CPPED1: variants seen among roughly 807,000 people sequenced by gnomAD.
CPPED1 encodes calcineurin like phosphoesterase domain containing 1, also known as serine/threonine-protein phosphatase CPPED1.
In CPPED1, 28 loss-of-function variants were observed where a neutral mutation model predicts 28.0. The ratio of observed to expected loss-of-function variants is 1.00; its 90% CI spans 0.74 to 1.37. The LOEUF is 1.37. Among genes scored for constraint, CPPED1 ranks in the 40% most tolerant of loss-of-function variants. The probability of loss-of-function intolerance (pLI) is 0.00; values close to 1 mark genes in which losing one functional copy is unlikely to be tolerated. For missense variants in CPPED1, 504 were observed against 416.5 expected (o/e 1.21, Z -1.83); for synonymous variants, 198 against 180.2 (o/e 1.10, Z -0.79).
At chr16:12,698,711 G>A (rs1297298060) in intron 3 of CPPED1, among the ~76,000 whole-genome samples, 1 of 152,188 alleles carries the variant, frequency 6.6e-6, no homozygotes, top group Non-Finnish European at 1.5e-5. Context: ...GATTACAGGT[G>A]TGAGCCACTG....
At position 12,739,177 on chromosome 16, in the gene CPPED1, G is replaced by A. The variant is rs546555957; in HGVS notation, c.290-34128C>T. ...AATGGTCATGAGAATAAGAAAGTGT[G>A]CATGTAGAATAAGTAGTAGAGAGAC... On this transcript the variant is annotated intron_variant, in intron 2 of 3. Transcript: ENST00000381774. Among the ~76,000 whole-genome samples, 30 of 152,310 alleles carry A rather than the reference G, an allele frequency of 2.0e-4. 1 individual carries two copies. Among genetic ancestry groups the A allele is most frequent in the Admixed American group, 1.5e-3 (23 of 15,288 alleles).
At chr16:12,775,776 G>A (rs1473342823) in intron 2 of CPPED1, among the ~76,000 whole-genome samples, 1 of 152,192 alleles carries the variant, frequency 6.6e-6, no homozygotes, top group East Asian at 1.9e-4. Flanking sequence ...CAGTTTACAA[G>A]CTGAGTGGCC....
chr16:12,667,663 A>G (rs1489899413), intron 3 of CPPED1, among the ~76,000 whole-genome samples: 2 of 152,322 alleles, frequency 1.3e-5, no homozygotes, highest in East Asian at 3.9e-4. Context: ...GAGAGGTAAA[A>G]CTGAGGAAAT....
intron 1 of CPPED1, among the ~76,000 whole-genome samples, chr16:12,782,360 T>C (rs975591500): frequency 1.4e-4 from 22 of 152,136 alleles, no homozygotes; most frequent in Admixed American, 1.3e-3. Flanking sequence ...TCTTACAGAA[T>C]AGCATCTGGA....
chr16:12,696,438 C>CTTTTTTT (rs1180336228), intron 3 of CPPED1, among the ~76,000 whole-genome samples: 1 of 120,736 alleles, frequency 8.3e-6, no homozygotes, highest in Non-Finnish European at 1.7e-5. Flanking sequence ...AAGTGACTTT[C>CTTTTTTT]TTTTTTTTTT....
chr16:12,737,616 T>C (rs1211398507), intron 2 of CPPED1, among the ~76,000 whole-genome samples: 1 of 152,228 alleles, frequency 6.6e-6, no homozygotes, highest in Non-Finnish European at 1.5e-5. Context: ...CACAATATTT[T>C]GGAAGACTGA....
chr16:12,705,796 C>T (rs931831010), intron 2 of CPPED1, among the ~76,000 whole-genome samples: 12 of 152,218 alleles, frequency 7.9e-5, no homozygotes, highest in African/African-American at 1.2e-4. Flanking sequence ...CGTAAGCCAC[C>T]GCGCCGGGCA....
At chr16:12,723,814 C>A (rs188026525) in intron 2 of CPPED1, among the ~76,000 whole-genome samples, 1 of 152,080 alleles carries the variant, frequency 6.6e-6, no homozygotes, top group South Asian at 2.1e-4. Flanking sequence ...TGGGATAGGA[C>A]GTGGGTTTGT....
At chr16:12,669,555 C>T (rs1323719574) in intron 3 of CPPED1, among the ~76,000 whole-genome samples, 6 of 152,088 alleles carry the variant, frequency 3.9e-5, no homozygotes, top group South Asian at 2.1e-4. Flanking sequence ...ATCACAACAA[C>T]GGATTAGAGT....
intron 3 of CPPED1, among the ~76,000 whole-genome samples, chr16:12,687,322 T>A (rs1027003713): frequency 3.7e-4 from 57 of 152,154 alleles, no homozygotes; most frequent in African/African-American, 1.4e-3. Context: ...TTTACATTTT[T>A]TAAAAAAAGA....
chr16:12,739,250 G>T (rs2080242045), intron 2 of CPPED1, among the ~76,000 whole-genome samples: 2 of 152,298 alleles, frequency 1.3e-5, no homozygotes, highest in South Asian at 4.1e-4. Context: ...TGGACAAACA[G>T]TCCAAGCAAG....
At chr16:12,754,652 G>T (rs142607048) in intron 2 of CPPED1, among the ~76,000 whole-genome samples, 132 of 151,498 alleles carry the variant, frequency 8.7e-4, no homozygotes, top group African/African-American at 3.1e-3. Flanking sequence ...GGCCAAAAGG[G>T]AGAATACCAG....
intron 2 of CPPED1, among the ~76,000 whole-genome samples, chr16:12,766,242 A>AATATATATACATAT (rs2080437142): frequency 7.9e-6 from 1 of 126,652 alleles, no homozygotes; most frequent in Non-Finnish European, 1.6e-5. Flanking sequence ...AAAAAATACA[A>AATATATATACATAT]ATATATATAT....
chr16:12,666,466 G>A (rs1387371596), intron 3 of CPPED1, among the ~76,000 whole-genome samples: 3 of 152,222 alleles, frequency 2.0e-5, no homozygotes, highest in East Asian at 1.9e-4. Context: ...GCTGAAGAAC[G>A]CTGCTGCTGC....
intron 2 of CPPED1, among the ~76,000 whole-genome samples, chr16:12,717,976 G>A (rs184552818): frequency 2.0e-5 from 3 of 152,144 alleles, no homozygotes; most frequent in African/African-American, 7.2e-5. Flanking sequence ...TTTACCCTTC[G>A]TAAACTCAAG....
chr16:12,717,987 T>C (rs2080116414), intron 2 of CPPED1, among the ~76,000 whole-genome samples: 1 of 152,118 alleles, frequency 6.6e-6, no homozygotes, highest in African/African-American at 2.4e-5. Flanking sequence ...TAAACTCAAG[T>C]CCCATCTGGG....
chr16:12,757,276 C>A (rs2080376656), intron 2 of CPPED1, among the ~76,000 whole-genome samples: 1 of 152,146 alleles, frequency 6.6e-6, no homozygotes, highest in African/African-American at 2.4e-5. Context: ...CTGGGCAAAC[C>A]AGGCTGGTTG....
In CPPED1 at chr16:12,663,648, C is replaced by G. The variant is rs937020156; in HGVS notation, c.*1238G>C. Reference sequence around the variant, plus strand: ...ATGGTTTTGCTACGTTGACTAAACTCTGTAATGAGAAAGTCTTTTAATTTA... The same window carrying G: ...ATGGTTTTGCTACGTTGACTAAACTGTGTAATGAGAAAGTCTTTTAATTTA... On this transcript the variant is annotated 3_prime_UTR_variant, in exon 4 of 4. Transcript: ENST00000381774. 1.3e-5 allele frequency: 2 copies of G among 152,150 alleles called. No individual in the cohort carries two copies. The highest frequency in any genetic ancestry group is 4.8e-5 in the African/African-American group (2 of 41,430). The allele number at this position is 152,150 out of a possible 1,614,324, so 9.4% of individuals were successfully genotyped here.
chr16:12,739,320 C>T (rs1354091265), intron 2 of CPPED1, among the ~76,000 whole-genome samples: 3 of 152,316 alleles, frequency 2.0e-5, no homozygotes, highest in East Asian at 1.9e-4. Flanking sequence ...TGGCTCACGC[C>T]TGTAATCACA....
Sources: allele counts gnomAD v4.1 joint callset (sites outside exome capture counted in the v4.1 genomes callset), GRCh38; gene constraint gnomAD v4.1.1; transcripts MANE v1.5; gene names NCBI Gene and HGNC (gene_info 2026-07-23, HGNC 2026-07-21).